DNAJC8: variants seen among roughly 807,000 people sequenced by gnomAD.
DNAJC8 encodes dnaJ homolog subfamily C member 8.
In DNAJC8, 24 loss-of-function variants were observed where a neutral mutation model predicts 43.2. That is an observed-to-expected ratio of 0.56 (90% CI 0.40 to 0.78). DNAJC8 has a LOEUF of 0.78. DNAJC8 is among the 30% of genes least tolerant of loss of function. The pLI is 0.00. For missense variants in DNAJC8, 207 were observed against 299.4 expected (o/e 0.69, Z 2.28); for synonymous variants, 83 against 98.0 (o/e 0.85, Z 0.90).
intron 2 of DNAJC8, among the ~76,000 whole-genome samples, chr1:28,215,785 C>T (rs1439105292): frequency 6.6e-6 from 1 of 152,060 alleles, no homozygotes; most frequent in African/African-American, 2.4e-5. Context: ...GATCCGCCTG[C>T]CTCAGCCTCC....
chr1:28,204,710 C>T (rs1251122437), intron 7 of DNAJC8, among the ~76,000 whole-genome samples: 2 of 152,138 alleles, frequency 1.3e-5, no homozygotes, highest in African/African-American at 4.8e-5. Context: ...AGGAAGAACA[C>T]ACACAAGGCT....
At chr1:28,214,797 G>A in intron 3 of DNAJC8, 143 bp downstream of exon 3, 1 of 521,948 alleles carries the variant, frequency 1.9e-6, no homozygotes, top group South Asian at 3.7e-5. Flanking sequence ...ATTATTATGA[G>A]CTTTTTTTTA....
chr1:28,206,942 T>C lies in DNAJC8; in HGVS notation c.471+1400A>G, dbSNP rs1646772538. On this transcript the variant is annotated intron_variant, in intron 6 of 8. Transcript: ENST00000263697. ...CAAACATCAAAGGGATAAAGGAGTC[T>C]GTAATGAATAGCTCAGTATATTTAA... 2.6e-5 allele frequency among the ~76,000 whole-genome samples: 4 copies of C among 152,200 alleles called. No homozygotes were observed. The South Asian group carries it at 8.3e-4, about 31-fold the overall frequency.
intron 2 of DNAJC8, 88 bp downstream of exon 2, chr1:28,228,833 TA>T: frequency 9.7e-7 from 1 of 1,034,252 alleles, no homozygotes; most frequent in Non-Finnish European, 1.5e-6. Flanking sequence ...AACTATGATA[TA>T]AATTAGGTAT....
At chr1:28,223,116 G>A (rs1646910195) in intron 2 of DNAJC8, among the ~76,000 whole-genome samples, 1 of 152,156 alleles carries the variant, frequency 6.6e-6, no homozygotes, top group Non-Finnish European at 1.5e-5. Flanking sequence ...ATGGTGAGAA[G>A]GGTGTCCAAG....
chr1:28,213,726 A>T (rs1185230112), intron 3 of DNAJC8, among the ~76,000 whole-genome samples: 1 of 152,190 alleles, frequency 6.6e-6, no homozygotes, highest in Non-Finnish European at 1.5e-5. Flanking sequence ...TTCAACTCAG[A>T]AAAAAAGGTA....
chr1:28,203,893 T>TC (rs1646752723), intron 7 of DNAJC8, 71 bp from the exon 8 acceptor site: 2 of 1,470,618 alleles, frequency 1.4e-6, no homozygotes, highest in Non-Finnish European at 1.9e-6. Context: ...AGGTGGCATC[T>TC]CCCCACAGAA....
intron 4 of DNAJC8, 142 bp downstream of exon 4, chr1:28,210,429 T>C: frequency 4.3e-6 from 3 of 693,370 alleles, no homozygotes; most frequent in Middle Eastern, 8.0e-4. Context: ...TGCTTTGAAA[T>C]GGCAACTGCT....
chr1:28,209,959 T>C lies in DNAJC8; in HGVS notation c.399+13A>G. 1.2e-6 allele frequency: 2 copies of C among 1,612,386 alleles called. No homozygotes were observed. The highest frequency in any genetic ancestry group is 2.2e-5 in the South Asian group (2 of 91,056). On this transcript the variant is annotated intron_variant, in intron 5 of 8. Coordinates refer to ENST00000263697, the MANE Select transcript of DNAJC8 (RefSeq NM_014280.3). The stretch of plus-strand genomic sequence containing the variant: ...ATACTTCCTGTAAACACAGCAGCAC[T>C]ATAAATACTTACAGTGTGTTCCACG...
chr1:28,215,022 A>T, intron 2 of DNAJC8, 26 bp from the exon 3 acceptor site: 1 of 1,570,156 alleles, frequency 6.4e-7, no homozygotes, highest in Non-Finnish European at 8.7e-7. Context: ...TCAAAACCAT[A>T]AAAAAGGTGA....
rs774568324 is a variant in DNAJC8 at position 28,205,383 on chromosome 1, G to C, written c.472-34C>G. ...AAATCAAGAACAAAAGAAAATCAGA[G>C]TAAATATTTTTACCAGCAACTTGAA... On this transcript the variant is annotated intron_variant, in intron 6 of 8. Transcript: ENST00000263697. The C allele has an allele frequency of 2.0e-6, 3 of 1,537,732 alleles. No homozygotes were observed. In the East Asian group the frequency reaches 6.7e-5, roughly 35 times the overall value.
At chr1:28,205,483 T>C in intron 6 of DNAJC8, 134 bp from the exon 7 acceptor site, 2 of 619,554 alleles carry the variant, frequency 3.2e-6, no homozygotes, top group Admixed American at 3.2e-5. Flanking sequence ...GGCTCACATC[T>C]GTAATTCCAA....
At chr1:28,227,106 T>C (rs200519918) in intron 2 of DNAJC8, among the ~76,000 whole-genome samples, 77 of 121,910 alleles carry the variant, frequency 6.3e-4, no homozygotes, top group African/African-American at 2.3e-3. Flanking sequence ...CTCTCTCTCT[T>C]TTTTTTTTTT....
At chr1:28,201,769 A>C (rs1298658584) in intron 8 of DNAJC8, among the ~76,000 whole-genome samples, 6 of 150,104 alleles carry the variant, frequency 4.0e-5, no homozygotes. Context: ...AGCCTGAACA[A>C]CAAGAGCGAG....
At chr1:28,202,211 T>G (rs1354563432) in intron 8 of DNAJC8, among the ~76,000 whole-genome samples, 1 of 152,214 alleles carries the variant, frequency 6.6e-6, no homozygotes, top group Non-Finnish European at 1.5e-5. Context: ...GTAATAATCA[T>G]CACAACACTG....
Position 28,215,010 on chromosome 1 carries a change from A to T in DNAJC8, c.181-14T>A. 1 of 1,594,620 alleles carries T rather than the reference A, an allele frequency of 6.3e-7. No individual in the cohort carries two copies. The highest frequency in any genetic ancestry group is 1.1e-5 in the South Asian group (1 of 87,624). ...TATCTGAAGAACCTGGAAGTATCAA[A>T]ATCAAAACCATAAAAAAGGTGAAAA... is the stretch of plus-strand genomic sequence containing the variant. On this transcript the variant is annotated splice_polypyrimidine_tract_variant and intron_variant, in intron 2 of 8. Transcript: ENST00000263697.
chr1:28,211,293 C>T (rs1257794590), intron 3 of DNAJC8, among the ~76,000 whole-genome samples: 2 of 152,166 alleles, frequency 1.3e-5, no homozygotes, highest in African/African-American at 4.8e-5. Flanking sequence ...AGGTTGAGCA[C>T]CCAAAATCCA....
intron 1 of DNAJC8, among the ~76,000 whole-genome samples, chr1:28,231,668 T>C (rs2149026275): frequency 6.6e-6 from 1 of 151,540 alleles, no homozygotes; most frequent in Non-Finnish European, 1.5e-5. Context: ...TGGGCCAAGA[T>C]CGTGCCACTG....
chr1:28,219,892 G>A (rs776388404), intron 2 of DNAJC8, among the ~76,000 whole-genome samples: 75 of 152,234 alleles, frequency 4.9e-4, no homozygotes, highest in Non-Finnish European at 8.5e-4. Context: ...GGCCAGGCTG[G>A]TCTCAAACTC....
Sources: allele counts gnomAD v4.1 joint callset (sites outside exome capture counted in the v4.1 genomes callset), GRCh38; gene constraint gnomAD v4.1.1; transcripts MANE v1.5; gene names NCBI Gene and HGNC (gene_info 2026-07-23, HGNC 2026-07-21).